CFAP46: variants seen among roughly 807,000 people sequenced by gnomAD.
The protein encoded by CFAP46 is cilia- and flagella-associated protein 46.
In CFAP46, 245 loss-of-function variants were observed where a neutral mutation model predicts 325.7. The observed-to-expected ratio is 0.75, with a 90% CI of 0.68 to 0.84. The LOEUF (loss-of-function observed/expected upper bound fraction) is 0.84. Ranked by LOEUF, CFAP46 falls within the 40% of genes least tolerant of loss-of-function variation. CFAP46 has a pLI of 0.00. For missense variants in CFAP46, 3,346 were observed against 3,543.0 expected (o/e 0.94, Z 1.41); for synonymous variants, 1,523 against 1,495.9 (o/e 1.02, Z -0.42).
rs1403004545 is a variant in CFAP46, at chr10:132,847,168, G to C, written c.6087+19C>G. ...GCTCCGGGCAGAGGCCACACGAGGGGCAGGAGGGGCAGCCGCACCTTCAGG... is the reference window on the plus strand; with the variant it reads ...GCTCCGGGCAGAGGCCACACGAGGGCCAGGAGGGGCAGCCGCACCTTCAGG... On this transcript the variant is annotated intron_variant, in intron 42 of 57. Coordinates refer to ENST00000368586, the MANE Select transcript of CFAP46 (RefSeq NM_001200049.3). The surrounding 1 kb of genome is among the most constrained non-coding windows in gnomAD (Gnocchi z 5.2). The C allele has an allele frequency of 6.2e-7, 1 of 1,609,130 alleles. No homozygotes were observed. Among genetic ancestry groups the C allele is most frequent in the African/African-American group, 1.3e-5 (1 of 74,924 alleles).
chr10:132,822,887 CTGA>C (rs1279599871), intron 50 of CFAP46, among the ~76,000 whole-genome samples: 66 of 116,630 alleles, frequency 5.7e-4, no homozygotes, highest in African/African-American at 2.1e-3. Context: ...TGTGTGTGCG[CTGA>C]TGTGTGCTGA....
chr10:132,891,820 T>G (rs983599370), intron 25 of CFAP46, among the ~76,000 whole-genome samples: 1 of 152,208 alleles, frequency 6.6e-6, no homozygotes, highest in African/African-American at 2.4e-5. Context: ...TTCAACAAAT[T>G]GTCAATCAGA....
intron 22 of CFAP46, among the ~76,000 whole-genome samples, chr10:132,900,182 C>G (rs1041428039): frequency 6.6e-6 from 1 of 152,224 alleles, no homozygotes; most frequent in Non-Finnish European, 1.5e-5. Flanking sequence ...AACAGATCCA[C>G]AGAACCAGCC....
At chr10:132,834,385 G>A (rs1848202576) in intron 48 of CFAP46, among the ~76,000 whole-genome samples, 2 of 152,290 alleles carry the variant, frequency 1.3e-5, no homozygotes, top group South Asian at 4.2e-4. Flanking sequence ...AGCAGCCCGG[G>A]CGGTCCCTTG....
intron 57 of CFAP46, among the ~76,000 whole-genome samples, chr10:132,809,494 A>T (rs958464969): frequency 6.6e-6 from 1 of 151,682 alleles, no homozygotes; most frequent in African/African-American, 2.4e-5. Context: ...CTCTCCCCCA[A>T]CAAGCAGGGA....
intron 25 of CFAP46, 49 bp downstream of exon 25, chr10:132,892,284 C>A (rs1029181799): frequency 1.3e-6 from 2 of 1,522,826 alleles, no homozygotes; most frequent in African/African-American, 2.8e-5. Flanking sequence ...TCAAGTCCTT[C>A]CCTTTCCTTG....
chr10:132,879,414 G>T lies in CFAP46; in HGVS notation c.4005+12C>A. 2 of 1,493,460 alleles carry T rather than the reference G, an allele frequency of 1.3e-6. No individual in the cohort carries two copies. Among genetic ancestry groups the T allele is most frequent in the Non-Finnish European group, 8.9e-7 (1 of 1,117,370 alleles). 92.5% of individuals were successfully genotyped at this position (1,493,460 alleles called of 1,614,324 possible). A position where few individuals can be genotyped will look rare whatever the true frequency, so the allele number is the denominator to read the frequency against. ...GTGCTGCAGGAGCAGGGGAGTCTGCGCTGGGCCTCACCTGCCAGATGTGCC... is the reference window on the plus strand; with the variant it reads ...GTGCTGCAGGAGCAGGGGAGTCTGCTCTGGGCCTCACCTGCCAGATGTGCC... On this transcript the variant is annotated intron_variant, in intron 29 of 57. Transcript: ENST00000368586.
rs1001745765 is a variant in CFAP46 at position 132,913,168 on chromosome 10, C to G, written c.2211G>C (p.Val737=). 1 of 1,550,466 alleles carries G rather than the reference C, an allele frequency of 6.4e-7. No individual in the cohort carries two copies. Among genetic ancestry groups the G allele is most frequent in the South Asian group, 1.2e-5 (1 of 84,062 alleles). ...TCAGGACGTAGACCACGGCGTTCTG[C>G]ACAATCCACGCCTCCTGGATCTCCT... The part of the protein sequence containing the change: ...IGQEIQEAWI[V]QNAVVYVLNH... Residue 737 remains valine (V), a synonymous_variant, in exon 18 of 58, where the codon GTG becomes GTC. Coordinates refer to ENST00000368586, the MANE Select transcript of CFAP46 (RefSeq NM_001200049.3).
At chr10:132,825,057 C>T (rs1366491908) in intron 50 of CFAP46, among the ~76,000 whole-genome samples, 18 of 81,316 alleles carry the variant, frequency 2.2e-4, no homozygotes, top group South Asian at 4.4e-4. Flanking sequence ...GCTGTGTGTG[C>T]GCTGATGTGT....
intron 27 of CFAP46, among the ~76,000 whole-genome samples, chr10:132,881,545 G>A (rs1419021011): frequency 4.6e-5 from 7 of 152,208 alleles, no homozygotes; most frequent in African/African-American, 1.7e-4. Context: ...CTACAGAATT[G>A]TATGAGGCTG....
intron 44 of CFAP46, among the ~76,000 whole-genome samples, chr10:132,837,525 A>G (rs1306171777): frequency 6.6e-6 from 1 of 151,448 alleles, no homozygotes; most frequent in Non-Finnish European, 1.5e-5. Flanking sequence ...ACATGCACAG[A>G]CACACGCACA....
intron 35 of CFAP46, among the ~76,000 whole-genome samples, chr10:132,861,741 G>A (rs951170381): frequency 1.3e-5 from 2 of 152,222 alleles, no homozygotes; most frequent in Non-Finnish European, 2.9e-5. Flanking sequence ...CTTCTGCAGT[G>A]GAAAGGCAGC....
chr10:132,856,588 A>G (rs537327606), intron 39 of CFAP46, among the ~76,000 whole-genome samples: 1 of 152,188 alleles, frequency 6.6e-6, no homozygotes, highest in East Asian at 1.9e-4. Flanking sequence ...CATCATTGTC[A>G]TTCACCCCAC....
chr10:132,834,798 C>A (rs962573959), intron 47 of CFAP46, 23 bp from the exon 48 acceptor site: 2 of 1,604,406 alleles, frequency 1.2e-6, no homozygotes, highest in African/African-American at 1.3e-5. Context: ...AAAAAAGAGG[C>A]CCCCGTAGCA....
chr10:132,912,747 C>T lies in CFAP46; in HGVS notation c.2407G>A (p.Ala803Thr). 2 of 1,550,358 alleles carry T rather than the reference C, an allele frequency of 1.3e-6. No homozygotes were observed. Among genetic ancestry groups the T allele is most frequent in the Non-Finnish European group, 1.7e-6 (2 of 1,147,006 alleles). ...GLIISWIPVQAAEKSRKFMRP... is the reference protein window; with the variant it reads ...GLIISWIPVQTAEKSRKFMRP... ...ATGAATTTCCTGGACTTCTCGGCAG[C>T]CTGGACTGGAATCCAGCTGATGATC... The change falls in exon 19 of 58, where the codon GCT becomes ACT. Residue 803 changes from alanine to threonine, a missense_variant. Coordinates refer to ENST00000368586, the MANE Select transcript of CFAP46 (RefSeq NM_001200049.3).
chr10:132,899,280 G>A (rs1326678229), intron 23 of CFAP46, among the ~76,000 whole-genome samples, 159 bp from the exon 24 acceptor site: 1 of 152,176 alleles, frequency 6.6e-6, no homozygotes, highest in Non-Finnish European at 1.5e-5. Context: ...ATCCTTTCCA[G>A]TGGGCCTTTC....
At chr10:132,891,199 T>C (rs1296197673) in intron 25 of CFAP46, among the ~76,000 whole-genome samples, 7 of 152,216 alleles carry the variant, frequency 4.6e-5, no homozygotes, top group African/African-American at 1.4e-4. Context: ...CAGGGGTGTG[T>C]GGCCCTGGAC....
Position 132,814,284 on chromosome 10 carries a change from A to T in CFAP46, c.7286-30T>A, listed in dbSNP as rs367598261. On this transcript the variant is annotated intron_variant, in intron 53 of 57. Transcript: ENST00000368586. ...AAGGAGAACAGGGTGGATACAGACC[A>T]CGGTGTTTCATCAGACACGGGTGTG... 2.6e-6 allele frequency: 4 copies of T among 1,564,824 alleles called. No homozygotes were observed. The African/African-American group carries it at 5.4e-5, about 21-fold the overall frequency.
rs137870134 is a variant in CFAP46, at chr10:132,939,252, G to A, written c.372-499C>T. Reference sequence around the variant, plus strand: ...ACAGTAGTAGAGGAAAAGAAGGTCAGGAAGATGGAGGAGAAGGGAGGAACC... The same window carrying A: ...ACAGTAGTAGAGGAAAAGAAGGTCAAGAAGATGGAGGAGAAGGGAGGAACC... On this transcript the variant is annotated intron_variant, in intron 4 of 57. Coordinates refer to ENST00000368586, the MANE Select transcript of CFAP46 (RefSeq NM_001200049.3). This position sits in a 1 kb window ranked among gnomAD's most constrained non-coding sequence, Gnocchi z 4.6. 1.3e-3 allele frequency among the ~76,000 whole-genome samples: 205 copies of A among 152,344 alleles called. No individual in the cohort carries two copies. The highest frequency in any genetic ancestry group is 4.9e-3 in the African/African-American group (203 of 41,588).
Sources: gnomAD v4.1 joint callset for allele counts (sites outside exome capture counted in the v4.1 genomes callset) on GRCh38, gnomAD v4.1.1 for gene constraint, Gnocchi (gnomAD v3.1) non-coding constraint, MANE v1.5 for transcripts, NCBI Gene and HGNC (gene_info 2026-07-23, HGNC 2026-07-21) for gene names.